The following PTPRD variants were observed in gnomAD, a reference collection of about 807,000 sequenced individuals.
PTPRD encodes the protein receptor-type tyrosine-protein phosphatase delta.
PTPRD carries 34 observed loss-of-function variants against 214.5 expected under a neutral mutation model. That is an observed-to-expected ratio of 0.16 (90% CI 0.12 to 0.21). PTPRD has a LOEUF of 0.21. Ranked by LOEUF, PTPRD falls within the 10% of genes least tolerant of loss-of-function variation. The probability of loss-of-function intolerance (pLI) is 1.00; values close to 1 mark genes in which losing one functional copy is unlikely to be tolerated. For synonymous variants in PTPRD, 1,128 were observed against 845.7 expected (o/e 1.33, Z -5.79); for missense variants, 2,545 against 2,398.7 (o/e 1.06, Z -1.27).
chr9:10,387,856 T>A (rs1306097475), intron 2 of PTPRD, among the ~76,000 whole-genome samples: 2 of 124,148 alleles, frequency 1.6e-5, no homozygotes, highest in African/African-American at 6.2e-5. Context: ...AGAAAAGGTC[T>A]CACTATGTTG....
At chr9:10,320,732 T>C (rs1179086287) in intron 3 of PTPRD, among the ~76,000 whole-genome samples, 3 of 151,980 alleles carry the variant, frequency 2.0e-5, no homozygotes, top group African/African-American at 7.2e-5. Flanking sequence ...TGATTTTTGT[T>C]TGTTTGTTTG....
chr9:9,425,410 A>AT (rs2080453339), intron 8 of PTPRD, among the ~76,000 whole-genome samples: 1 of 50,600 alleles, frequency 2.0e-5, no homozygotes, highest in Non-Finnish European at 4.5e-5. Context: ...TATAATATAA[A>AT]ATATATAATA....
At chr9:8,722,640 A>G (rs1463921213) in intron 12 of PTPRD, among the ~76,000 whole-genome samples, 1 of 152,172 alleles carries the variant, frequency 6.6e-6, no homozygotes. Context: ...GAAAAGCCCT[A>G]TTGAAGTTCC....
rs370737449 is a variant in PTPRD at position 9,768,602 on chromosome 9, G to A, written c.-367-1751C>T. The stretch of plus-strand genomic sequence containing the variant: ...TTTTTTTTGGCAGGGACGAAATGAG[G>A]CATTTTAAATTCTTCCTAATAGCTA... On this transcript the variant is annotated intron_variant, in intron 5 of 45. Transcript: ENST00000381196. Among the ~76,000 whole-genome samples, 440 of 152,178 alleles carry A rather than the reference G, an allele frequency of 2.9e-3. 2 individuals are homozygous for A. Among genetic ancestry groups the A allele is most frequent in the African/African-American group, 0.01 (417 of 41,536 alleles).
At chr9:9,464,461 T>C (rs2146091640) in intron 8 of PTPRD, among the ~76,000 whole-genome samples, 1 of 152,358 alleles carries the variant, frequency 6.6e-6, no homozygotes, top group South Asian at 2.1e-4. Flanking sequence ...CATTAACTCT[T>C]GCCTAATTTT....
At chr9:8,737,769 G>A (rs2090833261) in intron 11 of PTPRD, among the ~76,000 whole-genome samples, 1 of 152,136 alleles carries the variant, frequency 6.6e-6, no homozygotes, top group Admixed American at 6.5e-5. Context: ...TCCTGCCTCA[G>A]CCTCCTGAGT....
At chr9:8,394,895 C>G (rs368626506) in intron 36 of PTPRD, among the ~76,000 whole-genome samples, 3 of 151,966 alleles carry the variant, frequency 2.0e-5, no homozygotes, top group African/African-American at 7.3e-5. Context: ...AGTAGTGGTA[C>G]TAGGTGGTCT....
intron 11 of PTPRD, among the ~76,000 whole-genome samples, chr9:8,824,071 G>A (rs532356007): frequency 2.6e-5 from 4 of 152,128 alleles, no homozygotes; most frequent in South Asian, 4.1e-4. Context: ...CACTCTTGTC[G>A]CCACTTTGGT....
intron 7 of PTPRD, among the ~76,000 whole-genome samples, chr9:9,599,296 C>T (rs1376960448): frequency 9.9e-5 from 15 of 152,166 alleles, no homozygotes; most frequent in Admixed American, 8.5e-4. Context: ...GGAGACTCAG[C>T]CTTAGAAAGG....
chr9:9,601,143 G>A lies in PTPRD; in HGVS notation c.-286-26362C>T, dbSNP rs746557256. Among the ~76,000 whole-genome samples the A allele has an allele frequency of 3.0e-3, 349 of 117,318 alleles. 2 individuals are homozygous for A. The highest frequency in any genetic ancestry group is 4.7e-3 in the African/African-American group (135 of 28,832). The allele number at this position is 117,318 out of a possible 152,430, so 77.0% of individuals were successfully genotyped here. On this transcript the variant is annotated intron_variant, in intron 7 of 45. Transcript: ENST00000381196. Reference sequence around the variant, plus strand: ...TGTGTGTGTGTGTGTGTGTGTGTGTGTGTGTGTATGGGGGGGGGAGAGTGG... The same window carrying A: ...TGTGTGTGTGTGTGTGTGTGTGTGTATGTGTGTATGGGGGGGGGAGAGTGG...
At chr9:10,241,811 T>C (rs187113391) in intron 3 of PTPRD, among the ~76,000 whole-genome samples, 2 of 152,106 alleles carry the variant, frequency 1.3e-5, no homozygotes, top group East Asian at 1.9e-4. Context: ...TATCCAACTG[T>C]ACACTTTAAA....
At chr9:8,992,851 C>T (rs1331566749) in intron 11 of PTPRD, among the ~76,000 whole-genome samples, 1 of 152,164 alleles carries the variant, frequency 6.6e-6, no homozygotes, top group African/African-American at 2.4e-5. Context: ...GGGACAGAAA[C>T]TGAAGACCTC....
chr9:8,665,092 C>T (rs2097144605), intron 12 of PTPRD, among the ~76,000 whole-genome samples: 1 of 152,136 alleles, frequency 6.6e-6, no homozygotes, highest in Admixed American at 6.5e-5. Flanking sequence ...AAAATATGTT[C>T]GCTCATTCTC....
chr9:9,393,682 T>G (rs778947314), intron 9 of PTPRD, among the ~76,000 whole-genome samples: 6 of 152,174 alleles, frequency 3.9e-5, no homozygotes, highest in Non-Finnish European at 8.8e-5. Flanking sequence ...CCTCCATTAT[T>G]TGCTGAGCTA....
At chr9:9,461,945 T>G (rs758190536) in intron 8 of PTPRD, among the ~76,000 whole-genome samples, 10 of 152,154 alleles carry the variant, frequency 6.6e-5, no homozygotes, top group Non-Finnish European at 1.2e-4. Context: ...ACTTCTACCT[T>G]ATTCCTCCTT....
chr9:8,476,247 A>G (rs903848745), intron 30 of PTPRD, among the ~76,000 whole-genome samples: 3 of 152,164 alleles, frequency 2.0e-5, no homozygotes, highest in African/African-American at 2.4e-5. Context: ...TCTCATAAAG[A>G]GCCGGCAACC....
chr9:9,730,805 C>G (rs1422637951), intron 7 of PTPRD, among the ~76,000 whole-genome samples: 1 of 151,964 alleles, frequency 6.6e-6, no homozygotes, highest in Non-Finnish European at 1.5e-5. Context: ...ATTAAAATGC[C>G]CTTTACAAAG....
intron 33 of PTPRD, among the ~76,000 whole-genome samples, chr9:8,456,713 C>G (rs79479360): frequency 6.6e-6 from 1 of 152,068 alleles, no homozygotes; most frequent in South Asian, 2.1e-4. Context: ...GCCTACATTT[C>G]AGTCTCATCT....
At chr9:10,369,066 G>A (rs548271400) in intron 2 of PTPRD, among the ~76,000 whole-genome samples, 1 of 151,902 alleles carries the variant, frequency 6.6e-6, no homozygotes, top group Non-Finnish European at 1.5e-5. Flanking sequence ...TCTCAACTTA[G>A]GCATGCACCA....
Sources: allele counts gnomAD v4.1 joint callset (sites outside exome capture counted in the v4.1 genomes callset), GRCh38; gene constraint gnomAD v4.1.1; transcripts MANE v1.5; gene names NCBI Gene and HGNC (gene_info 2026-07-23, HGNC 2026-07-21).